The following PRIM2 variants were observed in gnomAD, a reference collection of about 807,000 sequenced individuals.
PRIM2 encodes the protein DNA primase large subunit.
A neutral mutation model predicts 67.3 loss-of-function variants in PRIM2; 39 were observed. The observed-to-expected ratio is 0.58, with a 90% CI of 0.45 to 0.76. The LOEUF is 0.76. Ranked by LOEUF, PRIM2 falls within the 30% of genes least tolerant of loss-of-function variation. The pLI, the probability that PRIM2 is intolerant of heterozygous loss-of-function variation, is 0.00. For synonymous variants in PRIM2, 143 were observed against 198.7 expected, an observed-to-expected ratio of 0.72 and a Z score of 2.36; for missense variants, 398 against 598.7, an observed-to-expected ratio of 0.66 and a Z score of 3.50.
chr6:57,447,817 A>G lies in PRIM2; in HGVS notation c.694-59570A>G, dbSNP rs570629335. On this transcript the variant is annotated intron_variant, in intron 7 of 13. Coordinates refer to ENST00000615550, the MANE Select transcript of PRIM2 (RefSeq NM_000947.5). ...TGTTAGAGAATTAGGAAAATCTTCTACTTTCTCATCAAAATGACCAAAACC... is the reference window on the plus strand; with the variant it reads ...TGTTAGAGAATTAGGAAAATCTTCTGCTTTCTCATCAAAATGACCAAAACC... 2.0e-5 allele frequency among the ~76,000 whole-genome samples: 3 copies of G among 152,364 alleles called. No individual in the cohort carries two copies. In the South Asian group the frequency reaches 6.2e-4, roughly 32 times the overall value.
rs200538696 is a variant in PRIM2, at chr6:57,326,011, A to T, written c.425A>T (p.Asp142Val). 3.1e-4 allele frequency: 505 copies of T among 1,612,938 alleles called. No individual in the cohort carries two copies. Among genetic ancestry groups the T allele is most frequent in the Middle Eastern group, 6.8e-4 (4 of 5,900 alleles). Residue 142 changes from aspartate (D) to valine (V), a missense_variant, in exon 5 of 14, where the codon GAT becomes GTT. Coordinates refer to ENST00000615550, the MANE Select transcript of PRIM2 (RefSeq NM_000947.5). ...FSILPKDKIQ[D>V]FLKDSQLQFE... is the part of the protein sequence containing the mutation. ...ATTTTACCCAAGGATAAAATTCAGG[A>T]TTTCTTAAAGGATAGCCAATTGCAG... is the stretch of plus-strand genomic sequence containing the variant.
chr6:57,455,464 G>C (rs1241976636), intron 7 of PRIM2, among the ~76,000 whole-genome samples: 1 of 152,144 alleles, frequency 6.6e-6, no homozygotes, highest in African/African-American at 2.4e-5. Flanking sequence ...ATGATTCTGG[G>C]TGCTCCTGTA....
At chr6:57,265,123 C>T in the PRIM2 span, among the ~76,000 whole-genome samples, 1 of 152,186 alleles carries the variant, frequency 6.6e-6, no homozygotes, top group Non-Finnish European at 1.5e-5. Flanking sequence ...TCATTAATAA[C>T]AACTAGATTG....
intron 5 of PRIM2, among the ~76,000 whole-genome samples, chr6:57,342,306 G>T (rs112013149): frequency 1.3e-5 from 2 of 152,152 alleles, no homozygotes; most frequent in South Asian, 4.1e-4. Context: ...TTTCTAAGGC[G>T]TTTCAATGAG....
intron 7 of PRIM2, among the ~76,000 whole-genome samples, chr6:57,407,984 A>T (rs1770954157): frequency 6.6e-6 from 1 of 152,270 alleles, no homozygotes; most frequent in Non-Finnish European, 1.5e-5. Context: ...AAGGTCACAG[A>T]ATTCTAAGCC....
At chr6:57,617,295 A>C (rs1362691757) in intron 12 of PRIM2, among the ~76,000 whole-genome samples, 1 of 152,284 alleles carries the variant, frequency 6.6e-6, no homozygotes, top group African/African-American at 2.4e-5. Context: ...TTAGGAGGAC[A>C]CCAGTAATAT....
At chr6:57,230,834 T>C in the PRIM2 span, among the ~76,000 whole-genome samples, 1 of 152,178 alleles carries the variant, frequency 6.6e-6, no homozygotes, top group Non-Finnish European at 1.5e-5. Flanking sequence ...GTTATAAGTA[T>C]CTTTTACCTC....
At chr6:57,590,279 T>C (rs1458420819) in intron 10 of PRIM2, among the ~76,000 whole-genome samples, 5 of 152,306 alleles carry the variant, frequency 3.3e-5, no homozygotes, top group African/African-American at 1.2e-4. Context: ...AAGAGTCTAA[T>C]GGTGGTTCAG....
intron 5 of PRIM2, among the ~76,000 whole-genome samples, chr6:57,357,083 AC>A (rs1233694874): frequency 3.3e-5 from 5 of 151,956 alleles, no homozygotes; most frequent in Admixed American, 6.6e-5. Context: ...ACAGGCGCAC[AC>A]CACCATGCCC....
At chr6:57,460,046 G>A (rs1772948419) in intron 7 of PRIM2, among the ~76,000 whole-genome samples, 1 of 152,156 alleles carries the variant, frequency 6.6e-6, no homozygotes, top group South Asian at 2.1e-4. Flanking sequence ...GGTTGTGGCA[G>A]CCTTGTTCTC....
intron 10 of PRIM2, chr6:57,587,062 C>G (rs1323550743): frequency 6.6e-6 from 1 of 152,150 alleles, no homozygotes; most frequent in Non-Finnish European, 1.5e-5. Context: ...GCTGAAATAC[C>G]ATGACCCAGA....
At chr6:57,276,928 T>A in the PRIM2 span, among the ~76,000 whole-genome samples, 1 of 151,788 alleles carries the variant, frequency 6.6e-6, no homozygotes, top group Non-Finnish European at 1.5e-5. Flanking sequence ...ATGTAAGATT[T>A]TTTTTTTGCG....
chr6:57,372,755 C>A (rs1304439941), intron 5 of PRIM2, among the ~76,000 whole-genome samples: 1 of 152,112 alleles, frequency 6.6e-6, no homozygotes, highest in Non-Finnish European at 1.5e-5. Context: ...GCCTCTAGCT[C>A]CATCCATGTC....
intron 10 of PRIM2, among the ~76,000 whole-genome samples, chr6:57,580,178 C>A (rs1273397542): frequency 1.3e-5 from 2 of 152,012 alleles, no homozygotes; most frequent in Non-Finnish European, 2.9e-5. Flanking sequence ...AGGCCCAGGA[C>A]AGAGGGTTGC....
intron 7 of PRIM2, among the ~76,000 whole-genome samples, chr6:57,424,821 T>C (rs1771569053): frequency 2.0e-5 from 3 of 152,204 alleles, no homozygotes; most frequent in African/African-American, 7.2e-5. Context: ...TAAGTTATAT[T>C]AGTCTTAATG....
chr6:57,386,883 A>G (rs2127343890), intron 7 of PRIM2, among the ~76,000 whole-genome samples: 1 of 152,214 alleles, frequency 6.6e-6, no homozygotes, highest in East Asian at 1.9e-4. Context: ...GATGAGTGGT[A>G]GAGGATGAAA....
intron 7 of PRIM2, among the ~76,000 whole-genome samples, chr6:57,492,064 A>G (rs1173681353): frequency 1.3e-5 from 2 of 152,172 alleles, no homozygotes; most frequent in African/African-American, 2.4e-5. Context: ...TGCACAAAAC[A>G]TCTGGTGTAA....
chr6:57,617,564 A>G (rs1239648133), intron 12 of PRIM2, among the ~76,000 whole-genome samples: 2 of 152,190 alleles, frequency 1.3e-5, no homozygotes, highest in African/African-American at 4.8e-5. Context: ...TTCTTTGAAG[A>G]AATGTCTATC....
chr6:57,490,017 G>C (rs1187980509), intron 7 of PRIM2, among the ~76,000 whole-genome samples: 1 of 150,424 alleles, frequency 6.6e-6, no homozygotes, highest in Non-Finnish European at 1.5e-5. Context: ...CCTTGCCACA[G>C]AAGTTGGTGT....
Sources: allele counts gnomAD v4.1 joint callset (sites outside exome capture counted in the v4.1 genomes callset), GRCh38; gene constraint gnomAD v4.1.1; transcripts MANE v1.5; gene names NCBI Gene and HGNC (gene_info 2026-07-23, HGNC 2026-07-21).